The following ABLIM1 variants were observed in gnomAD, a reference collection of about 807,000 sequenced individuals.
ABLIM1 encodes the protein actin-binding LIM protein 1.
ABLIM1 carries 40 observed loss-of-function variants against 107.0 expected under a neutral mutation model. The ratio of observed to expected loss-of-function variants is 0.37; its 90% CI spans 0.29 to 0.49. The LOEUF (loss-of-function observed/expected upper bound fraction) is 0.49, where lower values mean the gene tolerates loss of function less well. ABLIM1 is among the 20% of genes least tolerant of loss of function. The probability of loss-of-function intolerance (pLI) is 0.97; values close to 1 mark genes in which losing one functional copy is unlikely to be tolerated. For missense variants in ABLIM1, 857 were observed against 1,008.5 expected (o/e 0.85, Z 2.04); for synonymous variants, 357 against 357.3 (o/e 1.00, Z 0.01).
chr10:114,485,775 T>C (rs1565540289), intron 8 of ABLIM1, among the ~76,000 whole-genome samples: 1 of 152,168 alleles, frequency 6.6e-6, no homozygotes, highest in Non-Finnish European at 1.5e-5. Context: ...TGCTGAAAGA[T>C]TCTTAAAACA....
At chr10:114,718,100 A>AAAGGAAGGAAGGAAGG (rs1566269736) in intron 1 of ABLIM1, among the ~76,000 whole-genome samples, 1 of 119,966 alleles carries the variant, frequency 8.3e-6, no homozygotes, top group Non-Finnish European at 1.8e-5. Flanking sequence ...GAAGGAAAAG[A>AAAGGAAGGAAGGAAGG]AAAAGAAAAA....
the ABLIM1 span, among the ~76,000 whole-genome samples, chr10:114,787,333 G>A: frequency 6.0e-4 from 91 of 151,236 alleles, no homozygotes; most frequent in Non-Finnish European, 9.9e-4. Context: ...GAGCCCCTCC[G>A]CCCGGCAGCC....
intron 1 of ABLIM1, among the ~76,000 whole-genome samples, chr10:114,602,397 C>T (rs2139998836): frequency 6.6e-6 from 1 of 152,286 alleles, no homozygotes; most frequent in South Asian, 2.1e-4. Context: ...TTTTGTCTCA[C>T]CAGTTGTATT....
At chr10:114,661,448 T>G (rs147853521), upstream of ABLIM1, among the ~76,000 whole-genome samples, 3 of 152,296 alleles carry the variant, frequency 2.0e-5, no homozygotes, top group East Asian at 5.8e-4. Flanking sequence ...GCCTCCAGTC[T>G]TAAAAATAGA....
At chr10:114,673,279 AAAC>A (rs2080338511) in intron 1 of ABLIM1, among the ~76,000 whole-genome samples, 2 of 152,136 alleles carry the variant, frequency 1.3e-5, no homozygotes, top group African/African-American at 4.8e-5. Flanking sequence ...AACAAAAAAA[AAAC>A]AAAACTCTTT....
chr10:114,666,932 C>T (rs997124022), intron 1 of ABLIM1, among the ~76,000 whole-genome samples: 11 of 152,146 alleles, frequency 7.2e-5, no homozygotes, highest in African/African-American at 2.7e-4. Context: ...TCCAAGCCAG[C>T]CAGGTATTGC....
upstream of ABLIM1, among the ~76,000 whole-genome samples, chr10:114,685,799 C>T (rs1282786189): frequency 1.9e-4 from 29 of 152,294 alleles, no homozygotes; most frequent in Non-Finnish European, 7.4e-5. Flanking sequence ...CATATTTTAG[C>T]CTAATGTGTT....
At chr10:114,712,172 G>A (rs555716593) in intron 1 of ABLIM1, among the ~76,000 whole-genome samples, 12 of 151,952 alleles carry the variant, frequency 7.9e-5, no homozygotes, top group African/African-American at 2.9e-4. Flanking sequence ...GGCCAACATG[G>A]TGAAACCTGA....
intron 6 of ABLIM1, among the ~76,000 whole-genome samples, chr10:114,524,295 A>G (rs1435195124): frequency 6.6e-6 from 1 of 152,252 alleles, no homozygotes; most frequent in Non-Finnish European, 1.5e-5. Context: ...AACCTTTGAG[A>G]GCAAACAAGC....
intron 1 of ABLIM1, among the ~76,000 whole-genome samples, chr10:114,652,255 C>T (rs2079283708): frequency 6.6e-6 from 1 of 152,144 alleles, no homozygotes; most frequent in South Asian, 2.1e-4. Flanking sequence ...GGCCTATGGC[C>T]TACTATACCC....
Position 114,580,140 on chromosome 10 carries a change from T to C in ABLIM1, c.380-4541A>G, listed in dbSNP as rs976241702. Among the ~76,000 whole-genome samples, 12 of 151,000 alleles carry C rather than the reference T, an allele frequency of 7.9e-5. No individual in the cohort carries two copies. In the South Asian group the frequency reaches 2.5e-3, roughly 31 times the overall value. Reference sequence around the variant, plus strand: ...TTTTACATCTAGCCCAGCCATCTTATTCTGACATTCCTTTTTGAATGCCTT... The same window carrying C: ...TTTTACATCTAGCCCAGCCATCTTACTCTGACATTCCTTTTTGAATGCCTT... On this transcript the variant is annotated intron_variant, in intron 2 of 22. Coordinates refer to ENST00000533213, the MANE Select transcript of ABLIM1 (RefSeq NM_002313.7).
At chr10:114,599,800 A>ATAAC (rs1051782360) in intron 2 of ABLIM1, among the ~76,000 whole-genome samples, 1 of 151,364 alleles carries the variant, frequency 6.6e-6, no homozygotes, top group Non-Finnish European at 1.5e-5. Flanking sequence ...AAATAAATAA[A>ATAAC]TAAATAAATA....
the ABLIM1 span, among the ~76,000 whole-genome samples, chr10:114,777,552 A>G: frequency 6.6e-6 from 1 of 152,226 alleles, no homozygotes; most frequent in Non-Finnish European, 1.5e-5. Flanking sequence ...TATTTATGGC[A>G]GGATGCCTCC....
chr10:114,620,880 C>T (rs1044079220), intron 1 of ABLIM1, among the ~76,000 whole-genome samples: 2 of 152,172 alleles, frequency 1.3e-5, no homozygotes, highest in South Asian at 4.1e-4. Context: ...TAACTCTTCC[C>T]TTTAGGGAGG....
At chr10:114,754,796 C>T (rs753606563) in intron 1 of ABLIM1, among the ~76,000 whole-genome samples, 4 of 152,122 alleles carry the variant, frequency 2.6e-5, no homozygotes, top group Non-Finnish European at 5.9e-5. Context: ...TTGAGATAAA[C>T]GAGTTAATTA....
At chr10:114,497,551 G>A (rs189647668) in intron 6 of ABLIM1, among the ~76,000 whole-genome samples, 158 of 151,928 alleles carry the variant, frequency 1.0e-3, no homozygotes, top group Non-Finnish European at 2.0e-3. Context: ...GCTTGGTGGC[G>A]GGCGCCTATA....
At chr10:114,475,531 C>T (rs1286609666) in intron 8 of ABLIM1, among the ~76,000 whole-genome samples, 1 of 152,192 alleles carries the variant, frequency 6.6e-6, no homozygotes, top group African/African-American at 2.4e-5. Context: ...TCCACAGGTA[C>T]ACAGAAGGCA....
chr10:114,508,573 G>C (rs897249049), intron 6 of ABLIM1, among the ~76,000 whole-genome samples: 1 of 152,098 alleles, frequency 6.6e-6, no homozygotes, highest in Admixed American at 6.5e-5. Context: ...GTGTGGTTGC[G>C]CACTTGCAGT....
exon 1 of ABLIM1, chr10:114,684,336 T>G: frequency 6.2e-7 from 1 of 1,614,154 alleles, no homozygotes; most frequent in Non-Finnish European, 8.5e-7. Context: ...GCTCAGTCAT[T>G]TCCAAGGTCA....
Sources: gnomAD v4.1 joint callset for allele counts (sites outside exome capture counted in the v4.1 genomes callset) on GRCh38, gnomAD v4.1.1 for gene constraint, MANE v1.5 for transcripts, NCBI Gene and HGNC (gene_info 2026-07-23, HGNC 2026-07-21) for gene names.